Variants in STON2 observed in about 807,000 individuals in gnomAD.
STON2 encodes the protein stonin-2.
STON2 carries 29 observed loss-of-function variants against 65.7 expected under a neutral mutation model. That is an observed-to-expected ratio of 0.44 (90% confidence interval 0.33 to 0.60). The LOEUF (loss-of-function observed/expected upper bound fraction) is 0.60. STON2 is among the 20% of genes least tolerant of loss of function. STON2 has a pLI of 0.03. For missense variants in STON2, 1,054 were observed against 1,118.1 expected, an observed-to-expected ratio of 0.94 and a Z score of 0.82; for synonymous variants, 404 against 414.2, an observed-to-expected ratio of 0.98 and a Z score of 0.30.
In STON2 at chr14:81,262,241, A is replaced by G. The variant is rs1180785496; in HGVS notation, c.*6173T>C. The G allele has an allele frequency of 1.0e-6, 1 of 985,460 alleles. No individual in the cohort carries two copies. Among genetic ancestry groups the G allele is most frequent in the Non-Finnish European group, 1.2e-6 (1 of 829,928 alleles). 61.0% of individuals were successfully genotyped at this position (985,460 alleles called of 1,614,324 possible). On this transcript the variant is annotated 3_prime_UTR_variant, in exon 8 of 8. Coordinates refer to ENST00000614646, the MANE Select transcript of STON2 (RefSeq NM_001394390.1). ...ATGGCTATGTCCTGTAAAGATTCAC[A>G]GAAACCCCAATTTCCCCTTAATAAA... is the stretch of plus-strand genomic sequence containing the variant.
chr14:81,339,936 C>T lies in STON2; in HGVS notation c.572-15749G>A, dbSNP rs535406457. Among the ~76,000 whole-genome samples the T allele has an allele frequency of 2.0e-4, 31 of 152,256 alleles. No individual in the cohort carries two copies. In the South Asian group the frequency reaches 2.5e-3, roughly 12 times the overall value. On this transcript the variant is annotated intron_variant, in intron 4 of 7. Coordinates refer to ENST00000614646, the MANE Select transcript of STON2 (RefSeq NM_001394390.1). ...TTGGGAGGCCAAGGCAGGTAGATCA[C>T]GAGGTCAGGAGATCAAGACCATCCT...
Position 81,274,417 on chromosome 14 carries a change from A to G in STON2, c.2581+2484T>C, listed in dbSNP as rs560860546. Among the ~76,000 whole-genome samples, 133 of 152,278 alleles carry G rather than the reference A, an allele frequency of 8.7e-4. 1 individual carries two copies. The highest frequency in any genetic ancestry group is 3.1e-3 in the African/African-American group (130 of 41,554). On this transcript the variant is annotated intron_variant, in intron 6 of 7. Coordinates refer to ENST00000614646, the MANE Select transcript of STON2 (RefSeq NM_001394390.1). Reference sequence around the variant, plus strand: ...TATAAGCTGCATTTACTTGCCCTTGAGGCAACAGAACACTCTCCACTGGGA... The same window carrying G: ...TATAAGCTGCATTTACTTGCCCTTGGGGCAACAGAACACTCTCCACTGGGA...
intron 3 of STON2, among the ~76,000 whole-genome samples, chr14:81,384,407 T>C (rs901249507): frequency 2.0e-5 from 3 of 151,990 alleles, no homozygotes; most frequent in Non-Finnish European, 4.4e-5. Context: ...GGCTAATTTT[T>C]GTATTTTTAG....
rs151205957 is a variant in STON2 at position 81,371,434 on chromosome 14, G to A, written c.374-249C>T. On this transcript the variant is annotated intron_variant, in intron 3 of 7. Coordinates refer to ENST00000614646, the MANE Select transcript of STON2 (RefSeq NM_001394390.1). ...GTCCTGGCTGGGTGCGGTGGCTCAC[G>A]CCTGTAATCTCAGCACTTTGGGAGG... Among the ~76,000 whole-genome samples, 520 of 152,144 alleles carry A rather than the reference G, an allele frequency of 3.4e-3. 9 individuals are homozygous for A. The highest frequency in any genetic ancestry group is 0.025 in the Admixed American group (384 of 15,290).
intron 1 of STON2, among the ~76,000 whole-genome samples, chr14:81,399,886 G>A (rs1220242201): frequency 6.6e-6 from 1 of 152,024 alleles, no homozygotes; most frequent in Admixed American, 6.6e-5. Flanking sequence ...TTCATAATAA[G>A]ATCTCACCCA....
chr14:81,286,930 T>C (rs1053163541), intron 5 of STON2, among the ~76,000 whole-genome samples: 18 of 152,220 alleles, frequency 1.2e-4, no homozygotes, highest in African/African-American at 4.3e-4. Context: ...TTAATGCTTG[T>C]TCATTAAGCT....
At chr14:81,353,632 C>T (rs1345624584) in intron 4 of STON2, among the ~76,000 whole-genome samples, 3 of 152,202 alleles carry the variant, frequency 2.0e-5, no homozygotes, top group African/African-American at 7.2e-5. Flanking sequence ...CCGCTTGGGA[C>T]CACATTTTCT....
chr14:81,281,502 G>A (rs1331252530), intron 5 of STON2, among the ~76,000 whole-genome samples: 1 of 152,172 alleles, frequency 6.6e-6, no homozygotes, highest in Non-Finnish European at 1.5e-5. Flanking sequence ...CCTGGCATCA[G>A]GGTTATCCTT....
At position 81,278,535 on chromosome 14, in the gene STON2, G is replaced by A; in HGVS notation, c.947C>T (p.Ala316Val). ...SPLKPNTPPS[A>V]SVIPDVPYNS... Reference sequence around the variant, plus strand: ...ATAAGGTACATCTGGGATCACAGATGCACTTGGTGGTGTATTTGGCTTCAG... The same window carrying A: ...ATAAGGTACATCTGGGATCACAGATACACTTGGTGGTGTATTTGGCTTCAG... The change falls in exon 6 of 8, where the codon GCA becomes GTA. Residue 316 changes from alanine to valine, a missense_variant. By Grantham distance (64) the Ala-to-Val change is moderately conservative. Coordinates refer to ENST00000614646, the MANE Select transcript of STON2 (RefSeq NM_001394390.1). 1.2e-6 allele frequency: 2 copies of A among 1,613,526 alleles called. 1 individual carries two copies. Among genetic ancestry groups the A allele is most frequent in the South Asian group, 2.2e-5 (2 of 90,976 alleles).
chr14:81,327,019 G>A (rs1027593251), intron 4 of STON2, among the ~76,000 whole-genome samples: 5 of 152,130 alleles, frequency 3.3e-5, no homozygotes, highest in Admixed American at 2.0e-4. Flanking sequence ...TTAGCCAGGC[G>A]TGGTGGCACG....
intron 3 of STON2, 107 bp from the exon 4 acceptor site, chr14:81,371,292 C>T: frequency 1.9e-6 from 2 of 1,052,862 alleles, no homozygotes; most frequent in Non-Finnish European, 2.8e-6. Flanking sequence ...GAAATCTCAA[C>T]AGTCATATGA....
chr14:81,422,569 GAAT>G (rs138842746), intron 2 of STON2, among the ~76,000 whole-genome samples: 2,824 of 152,224 alleles, frequency 0.019, 90 homozygotes, highest in African/African-American at 0.064. Context: ...TGATAATACA[GAAT>G]ATTAAGGGAG....
At chr14:81,394,610 G>A (rs1900227522) in intron 3 of STON2, among the ~76,000 whole-genome samples, 2 of 152,114 alleles carry the variant, frequency 1.3e-5, no homozygotes, top group Non-Finnish European at 2.9e-5. Context: ...TGCCTGGTGA[G>A]CCCAACATAA....
At position 81,262,073 on chromosome 14, in the gene STON2, T is replaced by C. The variant is rs1894172704; in HGVS notation, c.*6341A>G. 1.5e-6 allele frequency: 2 copies of C among 1,305,966 alleles called. No individual in the cohort carries two copies. Among genetic ancestry groups the C allele is most frequent in the Non-Finnish European group, 1.9e-6 (2 of 1,030,368 alleles). 80.9% of individuals were successfully genotyped at this position (1,305,966 alleles called of 1,614,324 possible). ...AAGAGTCACTGAAAGGTGGCACCAATGGATATTTTGTAAAATAACCCACAA... is the reference window on the plus strand; with the variant it reads ...AAGAGTCACTGAAAGGTGGCACCAACGGATATTTTGTAAAATAACCCACAA... On this transcript the variant is annotated 3_prime_UTR_variant, in exon 8 of 8. Coordinates refer to ENST00000614646, the MANE Select transcript of STON2 (RefSeq NM_001394390.1).
At chr14:81,284,767 A>T (rs112775562) in intron 5 of STON2, among the ~76,000 whole-genome samples, 2 of 152,198 alleles carry the variant, frequency 1.3e-5, no homozygotes, top group African/African-American at 4.8e-5. Flanking sequence ...TGGCTTCAAA[A>T]CTTCAAAGGA....
chr14:81,431,764 C>T (rs1402718178), intron 1 of STON2, among the ~76,000 whole-genome samples: 1 of 147,192 alleles, frequency 6.8e-6, no homozygotes, highest in East Asian at 2.0e-4. Flanking sequence ...GCAACAACAG[C>T]GAAACTCTGT....
Position 81,268,478 on chromosome 14 carries a change from T to TG in STON2, c.2803_2804insC (p.Lys935ThrfsTer8). 1.6e-6 allele frequency: 2 copies of TG among 1,289,540 alleles called. No homozygotes were observed. The highest frequency in any genetic ancestry group is 1.5e-5 in the African/African-American group (1 of 65,960). The allele number at this position is 1,289,540 out of a possible 1,614,324, so 79.9% of individuals were successfully genotyped here. A position where few individuals can be genotyped will look rare whatever the true frequency, so the allele number is the denominator to read the frequency against. On this transcript the variant is annotated frameshift_variant, in exon 8 of 8. Transcript: ENST00000614646. LOFTEE classifies it high-confidence loss of function. ...TCCTTCAAAGTCCGGCTTCAAACTC[T>TG]TTTTTTGCTCAATTTCCACCTGCCA...
At chr14:81,338,739 T>C (rs1413302353) in intron 4 of STON2, among the ~76,000 whole-genome samples, 1 of 152,160 alleles carries the variant, frequency 6.6e-6, no homozygotes, top group African/African-American at 2.4e-5. Flanking sequence ...GAACATTTCA[T>C]TGGTGTCTGC....
chr14:81,348,682 T>C (rs561332568), intron 4 of STON2, among the ~76,000 whole-genome samples: 1 of 152,202 alleles, frequency 6.6e-6, no homozygotes, highest in South Asian at 2.1e-4. Context: ...CCCAAAGCAA[T>C]CTATAGAGTC....
Sources: gnomAD v4.1 joint callset for allele counts (sites outside exome capture counted in the v4.1 genomes callset) on GRCh38, gnomAD v4.1.1 for gene constraint, MANE v1.5 for transcripts, NCBI Gene and HGNC (gene_info 2026-07-23, HGNC 2026-07-21) for gene names.